Variants in FBXL18 observed in about 807,000 individuals in gnomAD.
The protein encoded by FBXL18 is F-box and leucine rich repeat protein 18.
FBXL18 carries 36 observed loss-of-function variants against 46.0 expected under a neutral mutation model. The ratio of observed to expected loss-of-function variants is 0.78; its 90% confidence interval spans 0.60 to 1.03. The LOEUF is 1.03. Among genes scored for constraint, FBXL18 ranks in the 50% least tolerant of loss-of-function variants. The probability of loss-of-function intolerance (pLI) is 0.00; values close to 1 mark genes in which losing one functional copy is unlikely to be tolerated. For synonymous variants in FBXL18, 557 were observed against 465.3 expected, an observed-to-expected ratio of 1.20 and a Z score of -2.54; for missense variants, 977 against 1,004.1, an observed-to-expected ratio of 0.97 and a Z score of 0.36.
chr7:5,464,141 C>G (rs1056605010), intron 4 of FBXL18, among the ~76,000 whole-genome samples: 1 of 152,052 alleles, frequency 6.6e-6, no homozygotes, highest in Non-Finnish European at 1.5e-5. Flanking sequence ...GCCAGGAGTT[C>G]AAGACCAGCC....
At chr7:5,462,468 T>C (rs1156531807) in intron 4 of FBXL18, among the ~76,000 whole-genome samples, 1 of 152,142 alleles carries the variant, frequency 6.6e-6, no homozygotes, top group East Asian at 1.9e-4. Context: ...TCAGTCACTA[T>C]GTCACAAGCC....
chr7:5,455,090 G>C lies in FBXL18; in HGVS notation c.2001-7247C>G, dbSNP rs1171251983. Among the ~76,000 whole-genome samples, 1 of 152,118 alleles carries C rather than the reference G, an allele frequency of 6.6e-6. No individual in the cohort carries two copies. Among genetic ancestry groups the C allele is most frequent in the Non-Finnish European group, 1.5e-5 (1 of 68,016 alleles). On this transcript the variant is annotated intron_variant and NMD_transcript_variant, in intron 4 of 6. Transcript: ENST00000415009. This position sits in a 1 kb window ranked among gnomAD's most constrained non-coding sequence, Gnocchi z 4.6. The stretch of plus-strand genomic sequence containing the variant: ...ACTTTAGGAGTTTGCTGTGAGGTTA[G>C]CCTCATCAGCAAACTCGAGGCTGGC...
chr7:5,505,033 G>T lies in FBXL18; in HGVS notation c.237+379C>A, dbSNP rs561490309. Among the ~76,000 whole-genome samples, 353 of 150,908 alleles carry T rather than the reference G, an allele frequency of 2.3e-3. 1 individual carries two copies. The highest frequency in any genetic ancestry group is 8.3e-3 in the African/African-American group (338 of 40,966). On this transcript the variant is annotated intron_variant, in intron 2 of 4. Coordinates refer to ENST00000382368, the MANE Select transcript of FBXL18 (RefSeq NM_024963.6). ...TTGGAACTCCTGCACCCTGCTGGGG[G>T]GTGCAAAATGGTGCCCTCCCACTGC...
rs1783520236 is a variant in FBXL18, at chr7:5,476,573, C to G, written c.*5202G>C. 1 of 152,416 alleles carries G rather than the reference C, an allele frequency of 6.6e-6. No individual in the cohort carries two copies. The highest frequency in any genetic ancestry group is 2.1e-4 in the South Asian group (1 of 4,832). 9.4% of individuals were successfully genotyped at this position (152,416 alleles called of 1,614,324 possible). A position where few individuals can be genotyped will look rare whatever the true frequency, so the allele number is the denominator to read the frequency against. On this transcript the variant is annotated 3_prime_UTR_variant, in exon 5 of 5. Transcript: ENST00000382368. ...ATCCAACTCCTGGGCTCAAGCAATC[C>G]TCCTGCCTCAGCCTCCTGAGTAGCT... is the stretch of plus-strand genomic sequence containing the variant.
chr7:5,466,575 C>T (rs1783343947), intron 4 of FBXL18, among the ~76,000 whole-genome samples: 1 of 152,238 alleles, frequency 6.6e-6, no homozygotes, highest in Non-Finnish European at 1.5e-5. Context: ...ACTGGGCCAC[C>T]AGGATAATCC....
At chr7:5,489,328 C>T (rs776997618) in intron 4 of FBXL18, 3 of 518,782 alleles carry the variant, frequency 5.8e-6, no homozygotes, top group South Asian at 4.2e-5. Flanking sequence ...GTTGGGAAAC[C>T]TTCACTTAAA....
downstream of FBXL18, among the ~76,000 whole-genome samples, chr7:5,473,849 TA>T (rs1783465426): frequency 6.6e-6 from 1 of 150,550 alleles, no homozygotes; most frequent in South Asian, 2.1e-4. Context: ...TGCTGGAGGG[TA>T]ATAGTGCGGC....
chr7:5,455,298 G>A lies in FBXL18; in HGVS notation c.2001-7455C>T, dbSNP rs1395771246. On this transcript the variant is annotated intron_variant and NMD_transcript_variant, in intron 4 of 6. Coordinates refer to the FBXL18 transcript ENST00000415009. This position sits in a 1 kb window ranked among gnomAD's most constrained non-coding sequence, Gnocchi z 4.6. ...GGGAGCACCTGCAGGGAGTATTCTC[G>A]GGCATATGCTTGGGTAGCACTCTCA... 1.3e-5 allele frequency among the ~76,000 whole-genome samples: 2 copies of A among 151,906 alleles called. No individual in the cohort carries two copies. The highest frequency in any genetic ancestry group is 2.4e-5 in the African/African-American group (1 of 41,356).
At chr7:5,486,193 G>C (rs1783771327) in intron 4 of FBXL18, among the ~76,000 whole-genome samples, 1 of 147,028 alleles carries the variant, frequency 6.8e-6, no homozygotes, top group Non-Finnish European at 1.5e-5. Context: ...AGAGGTTGCA[G>C]TGAACCGAGA....
intron 4 of FBXL18, among the ~76,000 whole-genome samples, chr7:5,485,826 C>T (rs1006153116): frequency 6.6e-6 from 1 of 151,788 alleles, no homozygotes; most frequent in East Asian, 1.9e-4. Context: ...CTGAGGTGGG[C>T]GGATTACCTG....
Position 5,500,613 on chromosome 7 carries a change from A to C in FBXL18, c.1656T>G (p.Asn552Lys), listed in dbSNP as rs33941092. 0.018 allele frequency: 28,365 copies of C among 1,613,248 alleles called. 321 individuals are homozygous for C. Among genetic ancestry groups the C allele is most frequent in the Middle Eastern group, 0.024 (148 of 6,062 alleles). Residue 552 changes from asparagine to lysine, a missense_variant, in exon 3 of 5, where the codon AAT becomes AAG. Asn to Lys is a moderately conservative substitution (Grantham distance 94). Coordinates refer to ENST00000382368, the MANE Select transcript of FBXL18 (RefSeq NM_024963.6). ...PSVLTGSGLV[N>K]IGLQCQQLRS... ...GCAACTGCTGGCACTGCAGGCCGAT[A>C]TTGACCAGCCCGGAGCCCGTAAGGA...
chr7:5,488,852 G>A (rs910600183), intron 4 of FBXL18, among the ~76,000 whole-genome samples: 1 of 152,204 alleles, frequency 6.6e-6, no homozygotes, highest in Non-Finnish European at 1.5e-5. Flanking sequence ...AGAGCACAGT[G>A]CACCCCTTCC....
intron 4 of FBXL18, among the ~76,000 whole-genome samples, chr7:5,466,319 C>T (rs1474886414): frequency 6.6e-6 from 1 of 152,182 alleles, no homozygotes; most frequent in Admixed American, 6.6e-5. Flanking sequence ...CGAGATAGGT[C>T]TCCCTGGGCT....
Position 5,480,956 on chromosome 7 carries a change from C to T in FBXL18, c.*819G>A, listed in dbSNP as rs1783629378. ...ATCCTTTCTGGGTTTTAATGTTTCG[C>T]GTTATTCTAACAAAGCCGAATGTGT... On this transcript the variant is annotated 3_prime_UTR_variant, in exon 5 of 5. Transcript: ENST00000382368. 1 of 141,844 alleles carries T rather than the reference C, an allele frequency of 7.1e-6. No individual in the cohort carries two copies. The highest frequency in any genetic ancestry group is 1.5e-5 in the Non-Finnish European group (1 of 66,050). The allele number at this position is 141,844 out of a possible 1,614,324, so 8.8% of individuals were successfully genotyped here.
At chr7:5,461,429 A>C (rs147516641) in intron 4 of FBXL18, among the ~76,000 whole-genome samples, 36 of 152,234 alleles carry the variant, frequency 2.4e-4, no homozygotes, top group African/African-American at 8.4e-4. Flanking sequence ...CATTAAAAGT[A>C]ATGGCAAGAA....
chr7:5,504,637 C>T (rs1348005961), intron 2 of FBXL18, among the ~76,000 whole-genome samples: 3 of 137,326 alleles, frequency 2.2e-5, no homozygotes, highest in South Asian at 2.7e-4. Flanking sequence ...ATTACCAGGC[C>T]GGGTGTGGTG....
intron 4 of FBXL18, among the ~76,000 whole-genome samples, chr7:5,466,117 C>A (rs915050155): frequency 6.6e-6 from 1 of 151,334 alleles, no homozygotes; most frequent in Non-Finnish European, 1.5e-5. Flanking sequence ...CGCACCTGGC[C>A]CTCCTGAATC....
chr7:5,463,930 G>A (rs1479595864), intron 4 of FBXL18, among the ~76,000 whole-genome samples: 1 of 151,014 alleles, frequency 6.6e-6, no homozygotes, highest in Admixed American at 6.6e-5. Context: ...TAGTAGAGAC[G>A]GGGTTTCGCC....
rs1186200501 is a variant in FBXL18, at chr7:5,476,162, A to T, written c.*5613T>A. 1.3e-5 allele frequency: 2 copies of T among 152,426 alleles called. No individual in the cohort carries two copies. Among genetic ancestry groups the T allele is most frequent in the African/African-American group, 2.4e-5 (1 of 40,914 alleles). The allele number at this position is 152,426 out of a possible 1,614,324, so 9.4% of individuals were successfully genotyped here. On this transcript the variant is annotated 3_prime_UTR_variant, in exon 5 of 5. Coordinates refer to ENST00000382368, the MANE Select transcript of FBXL18 (RefSeq NM_024963.6). ...GAGATACCACCGACGGCTGCAGGGGAGGGGCACGCACACACACAGGCACGC... is the reference window on the plus strand; with the variant it reads ...GAGATACCACCGACGGCTGCAGGGGTGGGGCACGCACACACACAGGCACGC...
Sources: gnomAD v4.1 joint callset for allele counts (sites outside exome capture counted in the v4.1 genomes callset) on GRCh38, gnomAD v4.1.1 for gene constraint, Gnocchi (gnomAD v3.1) non-coding constraint, MANE v1.5 for transcripts, NCBI Gene and HGNC (gene_info 2026-07-23, HGNC 2026-07-21) for gene names.